DOCK11: variants seen among roughly 807,000 people sequenced by gnomAD.
The protein encoded by DOCK11 is dedicator of cytokinesis protein 11.
Under a neutral mutation model 169.1 loss-of-function variants are expected in DOCK11, and 70 were observed. The ratio of observed to expected loss-of-function variants is 0.41; its 90% CI spans 0.34 to 0.51. The LOEUF is 0.51. Ranked by LOEUF, DOCK11 falls within the 20% of genes least tolerant of loss-of-function variation. The pLI, the probability that DOCK11 is intolerant of heterozygous loss-of-function variation, is 0.10. For missense variants in DOCK11, 1,166 were observed against 1,538.8 expected (o/e 0.76, Z 4.05); for synonymous variants, 529 against 541.3 (o/e 0.98, Z 0.32).
chrX:118,659,715 T>A (rs938482654), intron 44 of DOCK11, among the ~76,000 whole-genome samples: 1 of 111,903 alleles, frequency 8.9e-6, no homozygotes, highest in Non-Finnish European at 1.9e-5. Context: ...TTGCACTAGA[T>A]AACCCAGACA....
intron 45 of DOCK11, among the ~76,000 whole-genome samples, chrX:118,667,965 G>C (rs1292016180): frequency 4.5e-5 from 5 of 111,761 alleles, no homozygotes; most frequent in Non-Finnish European, 9.4e-5. Context: ...AATTGATTTT[G>C]TATGTTGATC....
intron 6 of DOCK11, among the ~76,000 whole-genome samples, chrX:118,560,679 G>A (rs2012876404): frequency 8.9e-6 from 1 of 111,933 alleles, no homozygotes; most frequent in Non-Finnish European, 1.9e-5. Context: ...AGAATAGAGG[G>A]ACAGCATGAA....
At chrX:118,607,409 C>T (rs1257758009) in intron 24 of DOCK11, among the ~76,000 whole-genome samples, 21 of 88,172 alleles carry the variant, frequency 2.4e-4, no homozygotes, top group African/African-American at 6.7e-4. Context: ...GCCACCGTGC[C>T]GGGCCTTCAT....
intron 1 of DOCK11, among the ~76,000 whole-genome samples, chrX:118,506,904 C>T (rs975696986): frequency 9.0e-6 from 1 of 110,639 alleles, no homozygotes; most frequent in Non-Finnish European, 1.9e-5. Context: ...GGCAACATAG[C>T]GAGACCCCCG....
intron 32 of DOCK11, 40 bp from the exon 33 acceptor site, chrX:118,627,464 G>A (rs190563093): frequency 3.7e-5 from 37 of 991,422 alleles, no homozygotes; most frequent in Middle Eastern, 5.3e-4. Context: ...TCCTATATAC[G>A]AATTTGTTTA....
chrX:118,558,624 T>C (rs761250236), intron 6 of DOCK11, among the ~76,000 whole-genome samples: 1 of 112,288 alleles, frequency 8.9e-6, no homozygotes, highest in Non-Finnish European at 1.9e-5. Context: ...TCTTAAAAGC[T>C]TCTCAGAAGT....
intron 4 of DOCK11, among the ~76,000 whole-genome samples, chrX:118,545,048 G>A (rs2012211289): frequency 9.1e-6 from 1 of 109,745 alleles, no homozygotes; most frequent in Non-Finnish European, 1.9e-5. Flanking sequence ...AGCAACTTCT[G>A]CCCTCCCTAA....
intron 6 of DOCK11, among the ~76,000 whole-genome samples, chrX:118,557,221 T>C (rs5910376): frequency 0.33 from 35,996 of 110,131 alleles, 4,570 homozygotes; most frequent in East Asian, 0.54. Context: ...GAATAACATA[T>C]TTGTATAGGG....
chrX:118,620,094 G>A (rs2014933784), intron 31 of DOCK11, among the ~76,000 whole-genome samples: 1 of 110,942 alleles, frequency 9.0e-6, no homozygotes, highest in South Asian at 3.8e-4. Context: ...GGGATTACAG[G>A]CGTGAGCCAC....
chrX:118,684,566 G>T (rs975799545), intron 52 of DOCK11, among the ~76,000 whole-genome samples: 3 of 111,073 alleles, frequency 2.7e-5, no homozygotes, highest in African/African-American at 6.5e-5. Flanking sequence ...GAGCCACCAC[G>T]CCTGGCTGCT....
chrX:118,570,877 A>G (rs1042321073), intron 10 of DOCK11, among the ~76,000 whole-genome samples: 1 of 112,183 alleles, frequency 8.9e-6, no homozygotes, highest in African/African-American at 3.2e-5. Flanking sequence ...AGATTGCCTG[A>G]GCAATCTTTT....
At chrX:118,646,428 T>C (rs1367503775) in intron 40 of DOCK11, among the ~76,000 whole-genome samples, 3 of 110,168 alleles carry the variant, frequency 2.7e-5, no homozygotes, top group African/African-American at 9.9e-5. Context: ...GTAAGGGAGA[T>C]GAGAGGGAGC....
intron 30 of DOCK11, among the ~76,000 whole-genome samples, chrX:118,617,218 G>A (rs1319530674): frequency 9.0e-6 from 1 of 111,672 alleles, no homozygotes; most frequent in Non-Finnish European, 1.9e-5. Flanking sequence ...TTGGCTGGGC[G>A]CGATGGCTAA....
chrX:118,682,821 G>A (rs1421522740), intron 51 of DOCK11, among the ~76,000 whole-genome samples: 1 of 112,110 alleles, frequency 8.9e-6, no homozygotes, highest in Non-Finnish European at 1.9e-5. Flanking sequence ...GATTGAGCAA[G>A]TAGGCTTTCC....
chrX:118,680,739 T>C (rs942417548), intron 49 of DOCK11, 47 bp downstream of exon 49: 5 of 1,035,022 alleles, frequency 4.8e-6, no homozygotes, highest in Non-Finnish European at 5.3e-6. Flanking sequence ...TTGGTCTTTT[T>C]CAGCATACAC....
chrX:118,549,628 A>G (rs1433905420), intron 6 of DOCK11, among the ~76,000 whole-genome samples: 1 of 111,476 alleles, frequency 9.0e-6, no homozygotes, highest in Non-Finnish European at 1.9e-5. Flanking sequence ...ATCACGGCTC[A>G]CTGCAGTCTC....
intron 44 of DOCK11, among the ~76,000 whole-genome samples, chrX:118,657,539 A>G (rs2016104248): frequency 8.9e-6 from 1 of 112,017 alleles, no homozygotes; most frequent in Admixed American, 9.5e-5. Flanking sequence ...ATTTGCCTAA[A>G]TTAGAAAACC....
At chrX:118,527,231 C>G (rs2011397794) in intron 1 of DOCK11, among the ~76,000 whole-genome samples, 2 of 112,564 alleles carry the variant, frequency 1.8e-5, no homozygotes, top group Non-Finnish European at 3.8e-5. Context: ...TTGTGTCTCT[C>G]CAAGACTATA....
chrX:118,648,524 ATATATATT>A (rs959711624), intron 40 of DOCK11, among the ~76,000 whole-genome samples: 12 of 97,336 alleles, frequency 1.2e-4, no homozygotes, highest in African/African-American at 1.9e-4. Context: ...TATGTAATAT[ATATATATT>A]TATATATTTA....
Sources: allele counts gnomAD v4.1 joint callset (sites outside exome capture counted in the v4.1 genomes callset), GRCh38; gene constraint gnomAD v4.1.1; transcripts MANE v1.5; gene names NCBI Gene and HGNC (gene_info 2026-07-23, HGNC 2026-07-21).